DNMBP: variants seen among roughly 807,000 people sequenced by gnomAD.
The protein encoded by DNMBP is dynamin binding protein, also known as dynamin-binding protein.
DNMBP carries 87 observed loss-of-function variants against 150.0 expected under a neutral mutation model. That is an observed-to-expected ratio of 0.58 (90% CI 0.49 to 0.69). DNMBP has a LOEUF of 0.69. Ranked by LOEUF, DNMBP falls within the 30% of genes least tolerant of loss-of-function variation. The probability of loss-of-function intolerance (pLI) is 0.00; values close to 1 mark genes in which losing one functional copy is unlikely to be tolerated. For missense variants in DNMBP, 1,774 were observed against 1,949.0 expected, an observed-to-expected ratio of 0.91 and a Z score of 1.69; for synonymous variants, 711 against 750.4, an observed-to-expected ratio of 0.95 and a Z score of 0.86.
At chr10:99,932,121 C>T (rs528854720) in intron 4 of DNMBP, among the ~76,000 whole-genome samples, 1 of 152,122 alleles carries the variant, frequency 6.6e-6, no homozygotes, top group Non-Finnish European at 1.5e-5. Flanking sequence ...AAGAGACAGG[C>T]CTTAATAAGA....
intron 3 of DNMBP, chr10:99,957,437 G>A (rs1476607001): frequency 1.8e-6 from 1 of 567,426 alleles, no homozygotes; most frequent in African/African-American, 1.9e-5. Context: ...GATCCTAGCA[G>A]AGAATCTGTG....
At position 99,882,894 on chromosome 10, in the gene DNMBP, C is replaced by T. The variant is rs12570252; in HGVS notation, c.3997+1117G>A. On this transcript the variant is annotated intron_variant, in intron 15 of 16. Coordinates refer to ENST00000324109, the MANE Select transcript of DNMBP (RefSeq NM_015221.4). ...CAGCCTGGTCAACATGGTGAAACCCCGTCTCTACAAAAAATACAAACAGTT... is the reference window on the plus strand; with the variant it reads ...CAGCCTGGTCAACATGGTGAAACCCTGTCTCTACAAAAAATACAAACAGTT... Among the ~76,000 whole-genome samples, 7 of 151,782 alleles carry T rather than the reference C, an allele frequency of 4.6e-5. No homozygotes were observed. In the East Asian group the frequency reaches 9.8e-4, roughly 21 times the overall value.
At chr10:99,924,892 T>C (rs558319781) in intron 4 of DNMBP, among the ~76,000 whole-genome samples, 1 of 152,302 alleles carries the variant, frequency 6.6e-6, no homozygotes, top group South Asian at 2.1e-4. Flanking sequence ...AAACAGAAGA[T>C]TTTCCTGCTC....
rs369652476 is a variant in DNMBP at position 99,972,168 on chromosome 10, C to G, written c.-10-34G>C. 246 of 1,571,422 alleles carry G rather than the reference C, an allele frequency of 1.6e-4. 2 individuals are homozygous for G. In the Middle Eastern group the frequency reaches 3.8e-3, roughly 24 times the overall value. On this transcript the variant is annotated intron_variant, in intron 1 of 16. Coordinates refer to ENST00000324109, the MANE Select transcript of DNMBP (RefSeq NM_015221.4). ...ATAGATCAAGAGAAATAGAAAACAT[C>G]AATATTTAAGACACTGCAATATAGA...
At chr10:99,948,251 G>A (rs898330275) in intron 4 of DNMBP, among the ~76,000 whole-genome samples, 6 of 152,172 alleles carry the variant, frequency 3.9e-5, no homozygotes, top group African/African-American at 1.4e-4. Context: ...GAAAATGTTA[G>A]TGTAATACTA....
At chr10:99,976,553 G>A (rs117477841) in intron 1 of DNMBP, among the ~76,000 whole-genome samples, 2 of 152,172 alleles carry the variant, frequency 1.3e-5, no homozygotes, top group African/African-American at 2.4e-5. Flanking sequence ...GAGACCACAC[G>A]CATACTACCA....
chr10:99,962,013 C>G (rs1370109410), intron 3 of DNMBP, among the ~76,000 whole-genome samples: 6 of 150,100 alleles, frequency 4.0e-5, no homozygotes, highest in Non-Finnish European at 8.9e-5. Context: ...CATTATTAAC[C>G]CCAAAGCCTT....
intron 1 of DNMBP, among the ~76,000 whole-genome samples, chr10:99,975,648 C>CA (rs1057095958): frequency 3.3e-5 from 5 of 151,748 alleles, no homozygotes; most frequent in Middle Eastern, 6.8e-3. Flanking sequence ...TAAGTATTAC[C>CA]AAAAAAAATC....
chr10:99,947,309 T>A lies in DNMBP; in HGVS notation c.2260+7905A>T, dbSNP rs117014277. Among the ~76,000 whole-genome samples the A allele has an allele frequency of 6.0e-3, 908 of 152,274 alleles. 5 individuals are homozygous for A. The highest frequency in any genetic ancestry group is 9.6e-3 in the Non-Finnish European group (656 of 68,028). On this transcript the variant is annotated intron_variant, in intron 4 of 16. Coordinates refer to ENST00000324109, the MANE Select transcript of DNMBP (RefSeq NM_015221.4). ...ACTACAGCAAAGACATGAAATCAACTTAGGTGCCTATCAACAGTGGACTGG... is the reference window on the plus strand; with the variant it reads ...ACTACAGCAAAGACATGAAATCAACATAGGTGCCTATCAACAGTGGACTGG...
intron 3 of DNMBP, among the ~76,000 whole-genome samples, chr10:99,960,787 C>T (rs552378681): frequency 5.3e-5 from 8 of 152,114 alleles, no homozygotes; most frequent in Non-Finnish European, 7.4e-5. Context: ...GCCTGTGTGA[C>T]GAGAGCAAAA....
chr10:99,970,971 CAAA>C (rs532226561), intron 2 of DNMBP, among the ~76,000 whole-genome samples: 1,438 of 33,038 alleles, frequency 0.044, 63 homozygotes, highest in African/African-American at 0.1. Flanking sequence ...GACTCCGTCT[CAAA>C]AAAAAAAAAA....
chr10:99,930,783 A>G (rs2040146147), intron 4 of DNMBP: 1 of 635,728 alleles, frequency 1.6e-6, no homozygotes, highest in East Asian at 2.7e-5. Flanking sequence ...GCTTAAAGAC[A>G]AAGGTTTTAC....
chr10:100,008,671 A>G (rs1190835545), intron 1 of DNMBP, among the ~76,000 whole-genome samples: 1 of 152,258 alleles, frequency 6.6e-6, no homozygotes, highest in African/African-American at 2.4e-5. Context: ...AACATGTAAA[A>G]TCGGAGAACT....
At chr10:99,929,688 C>G in intron 4 of DNMBP, 1 of 702,990 alleles carries the variant, frequency 1.4e-6, no homozygotes, top group South Asian at 1.5e-5. Flanking sequence ...ACTATTCCTT[C>G]TCCAAGTCTC....
intron 4 of DNMBP, chr10:99,930,705 T>C (rs2040144508): frequency 1.4e-6 from 1 of 695,286 alleles, no homozygotes; most frequent in Non-Finnish European, 2.6e-6. Context: ...CCAGCTGGAG[T>C]CCCAGTGCCT....
At chr10:99,967,498 C>A (rs1329554728) in intron 3 of DNMBP, among the ~76,000 whole-genome samples, 1 of 152,082 alleles carries the variant, frequency 6.6e-6, no homozygotes. Context: ...TGCACTCCAG[C>A]CTCGACAGAA....
At chr10:99,980,209 C>T (rs2040767167) in intron 1 of DNMBP, among the ~76,000 whole-genome samples, 1 of 152,150 alleles carries the variant, frequency 6.6e-6, no homozygotes, top group Non-Finnish European at 1.5e-5. Context: ...CTTTGGGAGG[C>T]TGAGGCAGGC....
At chr10:99,895,085 T>C (rs771402653) in intron 10 of DNMBP, 35 bp from the exon 11 acceptor site, 2 of 1,282,816 alleles carry the variant, frequency 1.6e-6, no homozygotes, top group Admixed American at 1.9e-5. Flanking sequence ...TTAGCAAATC[T>C]GGACACTCCT....
intron 1 of DNMBP, among the ~76,000 whole-genome samples, chr10:99,972,672 G>A (rs1306116539): frequency 2.0e-5 from 3 of 152,204 alleles, no homozygotes; most frequent in African/African-American, 7.2e-5. Context: ...GTGCAGTGGT[G>A]TGATCATAGC....
Sources: gnomAD v4.1 joint callset for allele counts (sites outside exome capture counted in the v4.1 genomes callset) on GRCh38, gnomAD v4.1.1 for gene constraint, MANE v1.5 for transcripts, NCBI Gene and HGNC (gene_info 2026-07-23, HGNC 2026-07-21) for gene names.